VPS50: variants seen among roughly 807,000 people sequenced by gnomAD.
VPS50 encodes syndetin.
VPS50 carries 70 observed loss-of-function variants against 139.7 expected under a neutral mutation model. That is an observed-to-expected ratio of 0.50 (90% CI 0.41 to 0.61). VPS50 has a LOEUF of 0.61. Ranked by LOEUF, VPS50 falls within the 20% of genes least tolerant of loss-of-function variation. The pLI, the probability that VPS50 is intolerant of heterozygous loss-of-function variation, is 0.00. For missense variants in VPS50, 921 were observed against 1,133.7 expected (o/e 0.81, Z 2.69); for synonymous variants, 365 against 376.7 (o/e 0.97, Z 0.36).
At chr7:93,281,586 T>G (rs943797494) in intron 12 of VPS50, among the ~76,000 whole-genome samples, 1 of 152,190 alleles carries the variant, frequency 6.6e-6, no homozygotes, top group African/African-American at 2.4e-5. Flanking sequence ...TTACCCTTTT[T>G]CTGTTTTCCG....
chr7:93,335,120 G>T (rs1413644370), intron 22 of VPS50, among the ~76,000 whole-genome samples: 1 of 152,176 alleles, frequency 6.6e-6, no homozygotes, highest in African/African-American at 2.4e-5. Context: ...ATTCATCAGT[G>T]CACAGAAGAG....
rs749803510 is a variant in VPS50, at chr7:93,272,620, CT to C, written c.703-11del. On this transcript the variant is annotated splice_polypyrimidine_tract_variant and intron_variant, in intron 10 of 27. Transcript: ENST00000305866. ...ATTCCTTAACCATGTCTTGCTTCTT[CT>C]TTTAATTATATAGGAACAGCTGGAC... 3 of 1,209,550 alleles carry C rather than the reference CT, an allele frequency of 2.5e-6. 1 individual carries two copies. Among genetic ancestry groups the C allele is most frequent in the South Asian group, 2.7e-5 (2 of 73,074 alleles). The allele number at this position is 1,209,550 out of a possible 1,614,324, so 74.9% of individuals were successfully genotyped here.
rs1460559725 is a variant in VPS50, at chr7:93,270,481, A to G, written c.660-739A>G. ...ATTGCTATAGGATTTTATTTTATGAATGTATCACATTTTGCTTATCTAATT... is the reference window on the plus strand; with the variant it reads ...ATTGCTATAGGATTTTATTTTATGAGTGTATCACATTTTGCTTATCTAATT... On this transcript the variant is annotated intron_variant, in intron 9 of 27. Transcript: ENST00000305866. Among the ~76,000 whole-genome samples, 5 of 152,156 alleles carry G rather than the reference A, an allele frequency of 3.3e-5. No homozygotes were observed. In the East Asian group the frequency reaches 7.7e-4, roughly 23 times the overall value.
intron 1 of VPS50, among the ~76,000 whole-genome samples, chr7:93,236,608 A>C (rs1794807373): frequency 6.6e-6 from 1 of 152,252 alleles, no homozygotes; most frequent in Non-Finnish European, 1.5e-5. Context: ...ATAGTGGTTA[A>C]TGATAGCATC....
Position 93,323,698 on chromosome 7 carries a change from A to G in VPS50, c.1943A>G (p.Tyr648Cys). The G allele has an allele frequency of 7.0e-7, 1 of 1,427,616 alleles. No individual in the cohort carries two copies. Among genetic ancestry groups the G allele is most frequent in the Non-Finnish European group, 9.4e-7 (1 of 1,058,488 alleles). The allele number at this position is 1,427,616 out of a possible 1,614,324, so 88.4% of individuals were successfully genotyped here. Reference protein sequence around the residue: ...FMSQLFDYYLYAIYTFFGRND... With the variant: ...FMSQLFDYYLCAIYTFFGRND... ...TCTCAACTATTTGATTATTACTTGT[A>G]TGCAATATATACCTTTTTTGGTCGG... Residue 648 changes from tyrosine (Y) to cysteine (C), a missense_variant, in exon 21 of 28, where the codon TAT (tyrosine) becomes TGT (cysteine). By Grantham distance (194) the Tyr-to-Cys change is radical. Transcript: ENST00000305866.
chr7:93,243,685 G>T (rs1485450956), intron 2 of VPS50, among the ~76,000 whole-genome samples: 2 of 151,818 alleles, frequency 1.3e-5, no homozygotes, highest in African/African-American at 2.4e-5. Context: ...TTACTTAATT[G>T]GTTACAAGAA....
chr7:93,283,397 G>A lies in VPS50; in HGVS notation c.942+7092G>A, dbSNP rs530875541. 1.1e-4 allele frequency among the ~76,000 whole-genome samples: 16 copies of A among 151,704 alleles called. No individual in the cohort carries two copies. In the South Asian group the frequency reaches 2.1e-3, roughly 20 times the overall value. Reference sequence around the variant, plus strand: ...GATTACAGCTCCCACCACCACACCCGGCTAATTTTTGTATTTTGATTAGAG... The same window carrying A: ...GATTACAGCTCCCACCACCACACCCAGCTAATTTTTGTATTTTGATTAGAG... On this transcript the variant is annotated intron_variant, in intron 12 of 27. Transcript: ENST00000305866.
At position 93,358,928 on chromosome 7, in the gene VPS50, GT is replaced by G. The variant is rs757183307; in HGVS notation, c.*497del. 6.5e-6 allele frequency: 1 copy of G among 152,790 alleles called. No individual in the cohort carries two copies. Among genetic ancestry groups the G allele is most frequent in the African/African-American group, 2.4e-5 (1 of 41,416 alleles). 9.5% of individuals were successfully genotyped at this position (152,790 alleles called of 1,614,324 possible). On this transcript the variant is annotated 3_prime_UTR_variant, in exon 28 of 28. Coordinates refer to ENST00000305866, the MANE Select transcript of VPS50 (RefSeq NM_017667.4). ...TAGTTGAAAAATCAGTATGTTCTCT[GT>G]TTTTAAAATGTCAAAGTTTATGTCA...
chr7:93,347,120 A>T (rs569397231), intron 23 of VPS50, among the ~76,000 whole-genome samples: 1 of 148,676 alleles, frequency 6.7e-6, no homozygotes, highest in African/African-American at 2.4e-5. Flanking sequence ...AACTCAAACA[A>T]GTTTGCAAGA....
intron 9 of VPS50, among the ~76,000 whole-genome samples, chr7:93,266,132 C>A (rs759390664): frequency 6.6e-6 from 1 of 152,106 alleles, no homozygotes; most frequent in African/African-American, 2.4e-5. Flanking sequence ...CAGACTGGAA[C>A]GTCAGTGTCT....
chr7:93,357,249 T>C (rs1045969145), intron 27 of VPS50, among the ~76,000 whole-genome samples: 1 of 152,206 alleles, frequency 6.6e-6, no homozygotes, highest in Non-Finnish European at 1.5e-5. Context: ...CTCTATTCGA[T>C]GCAAGAATGA....
intron 16 of VPS50, among the ~76,000 whole-genome samples, chr7:93,298,012 A>T (rs1278935745): frequency 6.6e-6 from 1 of 152,088 alleles, no homozygotes; most frequent in African/African-American, 2.4e-5. Context: ...TCATGATTTG[A>T]AATTCTGCTT....
intron 25 of VPS50, among the ~76,000 whole-genome samples, chr7:93,350,925 CTTACT>C (rs1562901272): frequency 1.3e-5 from 2 of 152,128 alleles, no homozygotes; most frequent in African/African-American, 4.8e-5. Context: ...TCTTAACCTC[CTTACT>C]TTAATCTCAT....
chr7:93,240,067 T>C, intron 2 of VPS50, 133 bp downstream of exon 2: 1 of 610,304 alleles, frequency 1.6e-6, no homozygotes, highest in East Asian at 2.8e-5. Flanking sequence ...AGGTAAATTT[T>C]TATTGTATAG....
chr7:93,344,596 G>A (rs980884661), intron 23 of VPS50, among the ~76,000 whole-genome samples: 2 of 151,990 alleles, frequency 1.3e-5, no homozygotes, highest in Non-Finnish European at 1.5e-5. Flanking sequence ...GCTCTCCTCA[G>A]CAAATGTAAA....
At position 93,353,397 on chromosome 7, in the gene VPS50, CACTT is replaced by C. The variant is rs542591388; in HGVS notation, c.2464-239_2464-236del. Among the ~76,000 whole-genome samples, 67 of 152,236 alleles carry C rather than the reference CACTT, an allele frequency of 4.4e-4. 1 individual carries two copies. In the South Asian group the frequency reaches 0.013, roughly 30 times the overall value. On this transcript the variant is annotated intron_variant, in intron 25 of 27. Transcript: ENST00000305866. ...TTAACATTGTTTAATCAGTTAATGACACTTACTCCTTTTGCGATAAAATGTAGTG... is the reference window on the plus strand; with the variant it reads ...TTAACATTGTTTAATCAGTTAATGACACTCCTTTTGCGATAAAATGTAGTG...
At position 93,270,190 on chromosome 7, in the gene VPS50, G is replaced by A. The variant is rs1795962740; in HGVS notation, c.660-1030G>A. ...CTAGATTCAATCACGTGTCCTAAGT[G>A]TATGAGTATAACTCAGTAAGCTTTT... is the stretch of plus-strand genomic sequence containing the variant. On this transcript the variant is annotated intron_variant, in intron 9 of 27. Coordinates refer to ENST00000305866, the MANE Select transcript of VPS50 (RefSeq NM_017667.4). Among the ~76,000 whole-genome samples the A allele has an allele frequency of 1.3e-5, 2 of 151,464 alleles. 1 individual carries two copies.
intron 13 of VPS50, among the ~76,000 whole-genome samples, chr7:93,292,831 T>C (rs1182536810): frequency 6.6e-6 from 1 of 152,098 alleles, no homozygotes; most frequent in East Asian, 1.9e-4. Flanking sequence ...GGAAATATTG[T>C]TGGGGAGAGT....
rs1267864553 is a variant in VPS50, at chr7:93,303,565, A to G, written c.1452+15A>G. 3 of 1,258,540 alleles carry G rather than the reference A, an allele frequency of 2.4e-6. No individual in the cohort carries two copies. Among genetic ancestry groups the G allele is most frequent in the Non-Finnish European group, 3.4e-6 (3 of 876,918 alleles). The allele number at this position is 1,258,540 out of a possible 1,614,324, so 78.0% of individuals were successfully genotyped here. Reference sequence around the variant, plus strand: ...TGCAACTTCATGTAAGTGTTTCTTAAGAACAAAGAAATCTGTCTTTTAGTA... The same window carrying G: ...TGCAACTTCATGTAAGTGTTTCTTAGGAACAAAGAAATCTGTCTTTTAGTA... On this transcript the variant is annotated intron_variant, in intron 17 of 27. Transcript: ENST00000305866.
Sources: gnomAD v4.1 joint callset for allele counts (sites outside exome capture counted in the v4.1 genomes callset) on GRCh38, gnomAD v4.1.1 for gene constraint, MANE v1.5 for transcripts, NCBI Gene and HGNC (gene_info 2026-07-23, HGNC 2026-07-21) for gene names.